LAIR1: variants seen among roughly 807,000 people sequenced by gnomAD.
LAIR1 encodes leukocyte associated immunoglobulin like receptor 1, also known as leukocyte-associated immunoglobulin-like receptor 1.
LAIR1 carries 24 observed loss-of-function variants against 32.8 expected under a neutral mutation model. The observed-to-expected ratio is 0.73, with a 90% CI of 0.53 to 1.03. The LOEUF is 1.03. Among genes scored for constraint, LAIR1 ranks in the 50% least tolerant of loss-of-function variants. LAIR1 has a pLI of 0.00. For missense variants in LAIR1, 355 were observed against 347.5 expected, an observed-to-expected ratio of 1.02 and a Z score of -0.17; for synonymous variants, 150 against 140.5, an observed-to-expected ratio of 1.07 and a Z score of -0.48.
chr19:54,363,427 C>T (rs141687997), intron 2 of LAIR1, among the ~76,000 whole-genome samples: 3,406 of 152,002 alleles, frequency 0.022, 118 homozygotes, highest in African/African-American at 0.078. Context: ...AAGTGCCGGG[C>T]TCAGCCTTGG....
rs1277384052 is a variant in LAIR1, at chr19:54,356,396, G to C, written c.586C>G (p.Pro196Ala). Residue 196 changes from proline to alanine, a missense_variant and splice_region_variant, in exon 7 of 10, where the codon CCC becomes GCC. Pro to Ala is a conservative substitution (Grantham distance 27, BLOSUM62 -1). Transcript: ENST00000391742. ...TGCTCCTCGTCCTTGCTTCTGGGGG[G>C]CCCTAAGGACAGTCGGGGTGTGAAT... Reference protein sequence around the residue: ...LHRQNQIKQGPPRSKDEEQKP... With the variant: ...LHRQNQIKQGAPRSKDEEQKP... 1 of 1,594,266 alleles carries C rather than the reference G, an allele frequency of 6.3e-7. No homozygotes were observed. The highest frequency in any genetic ancestry group is 1.7e-5 in the Admixed American group (1 of 57,392).
At chr19:54,375,640 G>A in the LAIR1 span, among the ~76,000 whole-genome samples, 7 of 152,148 alleles carry the variant, frequency 4.6e-5, no homozygotes, top group Admixed American at 4.6e-4. Flanking sequence ...AGACGGCGAC[G>A]CTGCCTTCGC....
the LAIR1 span, among the ~76,000 whole-genome samples, chr19:54,375,744 A>G: frequency 6.6e-6 from 1 of 150,692 alleles, no homozygotes; most frequent in Non-Finnish European, 1.5e-5. Flanking sequence ...GAACGAAAAC[A>G]TACGTTTCCA....
intron 2 of LAIR1, among the ~76,000 whole-genome samples, chr19:54,362,800 T>A (rs1601315887): frequency 6.6e-6 from 1 of 152,304 alleles, no homozygotes; most frequent in Admixed American, 6.5e-5. Flanking sequence ...TGGTCATTTT[T>A]AAAATGAATT....
At position 54,356,378 on chromosome 19, in the gene LAIR1, C is replaced by G. The variant is rs754397625; in HGVS notation, c.604G>C (p.Glu202Gln). The change falls in exon 7 of 10, where the codon GAG becomes CAG. Residue 202 changes from glutamate (E) to glutamine (Q), a missense_variant. Glu to Gln is a conservative substitution (Grantham distance 29). Transcript: ENST00000391742. ...IKQGPPRSKD[E>Q]EQKPQQRPDL... ...CACCTCTGCTGTGGCTTCTGCTCCT[C>G]GTCCTTGCTTCTGGGGGGCCCTAAG... 1.5e-5 allele frequency: 24 copies of G among 1,591,602 alleles called. 1 individual carries two copies.
upstream of LAIR1, among the ~76,000 whole-genome samples, chr19:54,365,783 A>AC (rs1049070558): frequency 7.0e-6 from 1 of 143,846 alleles, no homozygotes; most frequent in African/African-American, 2.5e-5. Context: ...ACTCTGTCTA[A>AC]AAAAAAAAAA....
chr19:54,366,250 C>T (rs555355634), upstream of LAIR1, among the ~76,000 whole-genome samples: 8 of 152,138 alleles, frequency 5.3e-5, no homozygotes, highest in African/African-American at 1.2e-4. Context: ...TTGGAGGGCC[C>T]GGAGGAAGAC....
Position 54,355,095 on chromosome 19 carries a change from C to A in LAIR1, c.*173G>T, listed in dbSNP as rs964937847. The A allele has an allele frequency of 1.3e-5, 8 of 609,284 alleles. No homozygotes were observed. The highest frequency in any genetic ancestry group is 2.3e-5 in the Non-Finnish European group (8 of 348,716). The allele number at this position is 609,284 out of a possible 1,614,324, so 37.7% of individuals were successfully genotyped here. Reference sequence around the variant, plus strand: ...TAGAAGGGACCACCTGGCTAACGAACCTTCTGGATGCTGGTTAGAAACCTC... The same window carrying A: ...TAGAAGGGACCACCTGGCTAACGAAACTTCTGGATGCTGGTTAGAAACCTC... On this transcript the variant is annotated 3_prime_UTR_variant, in exon 10 of 10. Coordinates refer to ENST00000391742, the MANE Select transcript of LAIR1 (RefSeq NM_002287.6). The surrounding 1 kb of genome is among the most constrained non-coding windows in gnomAD (Gnocchi z 4.7).
upstream of LAIR1, among the ~76,000 whole-genome samples, chr19:54,367,701 G>A (rs1204735882): frequency 3.3e-5 from 5 of 151,506 alleles, no homozygotes; most frequent in East Asian, 1.9e-4. Flanking sequence ...AGCCGAGATC[G>A]TGCCATTGCA....
intron 8 of LAIR1, 109 bp from the exon 9 acceptor site, chr19:54,356,115 A>G: frequency 7.5e-7 from 1 of 1,335,342 alleles, no homozygotes; most frequent in South Asian, 1.2e-5. Context: ...AATGTATAAT[A>G]CGACCTTCTA....
At chr19:54,369,241 C>T (rs750663785), upstream of LAIR1, among the ~76,000 whole-genome samples, 41 of 151,378 alleles carry the variant, frequency 2.7e-4, no homozygotes, top group Non-Finnish European at 4.9e-4. Context: ...AATGCAGGGG[C>T]ACCGTCCTGC....
chr19:54,371,601 G>T (rs183208059), upstream of LAIR1, among the ~76,000 whole-genome samples: 522 of 151,648 alleles, frequency 3.4e-3, 2 homozygotes, highest in Non-Finnish European at 6.3e-3. Context: ...GCCCAGCCTC[G>T]TTTTTAATTT....
Position 54,354,483 on chromosome 19 carries a change from A to T in LAIR1, c.*785T>A, listed in dbSNP as rs2081613633. ...GAATTGATTGTGACTGTCATTGCAC[A>T]ATGTACGTGTACGACAAATTATCAC... On this transcript the variant is annotated 3_prime_UTR_variant, in exon 10 of 10. Transcript: ENST00000391742. The T allele has an allele frequency of 1.3e-5, 2 of 152,266 alleles. No homozygotes were observed. The highest frequency in any genetic ancestry group is 4.8e-5 in the African/African-American group (2 of 41,456). The allele number at this position is 152,266 out of a possible 1,614,324, so 9.4% of individuals were successfully genotyped here. A position where few individuals can be genotyped will look rare whatever the true frequency, so the allele number is the denominator to read the frequency against.
upstream of LAIR1, among the ~76,000 whole-genome samples, chr19:54,365,516 C>G (rs890608474): frequency 6.6e-6 from 1 of 152,164 alleles, no homozygotes; most frequent in African/African-American, 2.4e-5. Context: ...ACAGGCCAGG[C>G]GCAGTGGCTC....
At chr19:54,369,590 C>T (rs2082353428), upstream of LAIR1, among the ~76,000 whole-genome samples, 1 of 151,514 alleles carries the variant, frequency 6.6e-6, no homozygotes, top group Non-Finnish European at 1.5e-5. Flanking sequence ...AAGCTACATG[C>T]TTATGTCCAA....
At chr19:54,361,725 GC>G (rs1032861389) in intron 2 of LAIR1, among the ~76,000 whole-genome samples, 1 of 148,928 alleles carries the variant, frequency 6.7e-6, no homozygotes, top group Non-Finnish European at 1.5e-5. Context: ...TGAGGGTGAA[GC>G]CCCCAGCCCT....
At position 54,356,214 on chromosome 19, in the gene LAIR1, C is replaced by T. The variant is rs1214464041; in HGVS notation, c.664+16G>A. The stretch of plus-strand genomic sequence containing the variant: ...ACTTCCCCATCCCAGGCCTGTCCCT[C>T]CTCCTCCCCCTTTACCTGCTGTCCT... On this transcript the variant is annotated intron_variant, in intron 8 of 9. Transcript: ENST00000391742. 6.2e-7 allele frequency: 1 copy of T among 1,611,490 alleles called. No homozygotes were observed. The highest frequency in any genetic ancestry group is 1.3e-5 in the African/African-American group (1 of 74,872).
upstream of LAIR1, among the ~76,000 whole-genome samples, chr19:54,374,734 T>C (rs1433897731): frequency 1.3e-5 from 2 of 152,118 alleles, no homozygotes; most frequent in East Asian, 3.9e-4. Flanking sequence ...AGGTGGAATG[T>C]TGAGTCTGCA....
chr19:54,361,718 G>C (rs2122512085), intron 2 of LAIR1, among the ~76,000 whole-genome samples: 1 of 148,188 alleles, frequency 6.7e-6, no homozygotes, highest in Non-Finnish European at 1.5e-5. Flanking sequence ...GGTGGGGTGA[G>C]GGTGAAGCCC....
Sources: gnomAD v4.1 joint callset for allele counts (sites outside exome capture counted in the v4.1 genomes callset) on GRCh38, gnomAD v4.1.1 for gene constraint, Gnocchi (gnomAD v3.1) non-coding constraint, MANE v1.5 for transcripts, NCBI Gene and HGNC (gene_info 2026-07-23, HGNC 2026-07-21) for gene names.